The following NUP133 variants were observed in gnomAD, a reference collection of about 807,000 sequenced individuals.
The protein encoded by NUP133 is nucleoporin 133, also known as nuclear pore complex protein Nup133.
A neutral mutation model predicts 146.2 loss-of-function variants in NUP133; 66 were observed. The ratio of observed to expected loss-of-function variants is 0.45; its 90% CI spans 0.37 to 0.55. The LOEUF (loss-of-function observed/expected upper bound fraction) is 0.55, where lower values mean the gene tolerates loss of function less well. Ranked by LOEUF, NUP133 falls within the 20% of genes least tolerant of loss-of-function variation. The probability of loss-of-function intolerance (pLI) is 0.00; values close to 1 mark genes in which losing one functional copy is unlikely to be tolerated. For missense variants in NUP133, 1,277 were observed against 1,374.8 expected (o/e 0.93, Z 1.12); for synonymous variants, 521 against 498.8 (o/e 1.04, Z -0.59).
intron 15 of NUP133, among the ~76,000 whole-genome samples, chr1:229,469,952 G>A (rs111527833): frequency 0.046 from 7,072 of 152,316 alleles, 442 homozygotes; most frequent in African/African-American, 0.13. Context: ...CTTGAAGCCA[G>A]GAGGCAGAGG....
At chr1:229,447,194 T>G in intron 24 of NUP133, among the ~76,000 whole-genome samples, 1 of 152,140 alleles carries the variant, frequency 6.6e-6, no homozygotes, top group East Asian at 1.9e-4. Context: ...AAATCAAAAG[T>G]AGTGATTTAT....
chr1:229,464,028 C>T (rs1660755301), intron 18 of NUP133, among the ~76,000 whole-genome samples: 1 of 152,114 alleles, frequency 6.6e-6, no homozygotes. Flanking sequence ...GCCTGTAATC[C>T]CAGCTACCTG....
At position 229,508,142 on chromosome 1, in the gene NUP133, A is replaced by C; in HGVS notation, c.108T>G (p.Gly36=). ...AGCTGACTGCAGACCCCAGGGGCAG[A>C]CCCTTCCTGCTAGCCGTCCGGGGCG... ...GSTPRTASRK[G]LPLGSAVSSP... Residue 36 remains glycine, a synonymous_variant, in exon 1 of 26, where the codon GGT becomes GGG. Transcript: ENST00000261396. 6.3e-7 allele frequency: 1 copy of C among 1,596,466 alleles called. No homozygotes were observed. Among genetic ancestry groups the C allele is most frequent in the Non-Finnish European group, 8.5e-7 (1 of 1,173,044 alleles).
intron 5 of NUP133, 119 bp from the exon 6 acceptor site, chr1:229,498,425 T>C: frequency 3.2e-6 from 2 of 626,946 alleles, no homozygotes; most frequent in Non-Finnish European, 5.1e-6. Context: ...GAATACAAAA[T>C]AGAACGTTGT....
intron 12 of NUP133, among the ~76,000 whole-genome samples, 161 bp downstream of exon 12, chr1:229,483,893 G>A (rs1281460007): frequency 1.3e-5 from 2 of 151,954 alleles, no homozygotes; most frequent in African/African-American, 4.8e-5. Context: ...TGGCTACTAA[G>A]TTCAGAAGAA....
At chr1:229,445,739 T>A (rs1660287608) in intron 24 of NUP133, among the ~76,000 whole-genome samples, 1 of 152,228 alleles carries the variant, frequency 6.6e-6, no homozygotes, top group South Asian at 2.1e-4. Flanking sequence ...AGACAAGGAA[T>A]TCTAATCAAA....
intron 8 of NUP133, among the ~76,000 whole-genome samples, chr1:229,493,886 A>G (rs922101886): frequency 6.6e-6 from 1 of 152,198 alleles, no homozygotes; most frequent in Non-Finnish European, 1.5e-5. Flanking sequence ...CAATCCCACT[A>G]CTTTGGGAGG....
At chr1:229,448,514 G>C (rs1197959387) in intron 24 of NUP133, among the ~76,000 whole-genome samples, 1 of 152,168 alleles carries the variant, frequency 6.6e-6, no homozygotes, top group South Asian at 2.1e-4. Context: ...AAAAACTCAT[G>C]AATAATGCAC....
intron 13 of NUP133, among the ~76,000 whole-genome samples, chr1:229,477,167 T>C (rs1661097292): frequency 1.3e-5 from 2 of 152,012 alleles, no homozygotes; most frequent in South Asian, 4.1e-4. Flanking sequence ...TGGCCGGGCC[T>C]GGTGGCTCAC....
intron 25 of NUP133, among the ~76,000 whole-genome samples, chr1:229,443,921 A>G (rs1660244153): frequency 3.5e-5 from 5 of 144,104 alleles, no homozygotes; most frequent in East Asian, 3.9e-4. Context: ...TTTTTTTTAA[A>G]ATAGGGACAG....
intron 24 of NUP133, among the ~76,000 whole-genome samples, chr1:229,448,110 G>C (rs959515178): frequency 3.3e-5 from 5 of 152,192 alleles, no homozygotes; most frequent in Admixed American, 6.5e-5. Flanking sequence ...GGCAACCAAC[G>C]TTGGGAAGTT....
At chr1:229,474,054 C>T (rs557628736) in intron 14 of NUP133, among the ~76,000 whole-genome samples, 13 of 152,322 alleles carry the variant, frequency 8.5e-5, no homozygotes, top group African/African-American at 2.9e-4. Flanking sequence ...CCTTAAGAAG[C>T]CTACAGCTTC....
intron 20 of NUP133, among the ~76,000 whole-genome samples, chr1:229,460,378 T>C (rs917221730): frequency 9.9e-5 from 15 of 152,192 alleles, no homozygotes; most frequent in Middle Eastern, 3.4e-3. Context: ...TTGTTATTTA[T>C]GTTTCCTAGG....
At chr1:229,498,103 TAAGC>T (rs1649952787) in intron 6 of NUP133, 29 bp downstream of exon 6, 3 of 1,464,420 alleles carry the variant, frequency 2.0e-6, no homozygotes, top group Non-Finnish European at 1.9e-6. Context: ...AACTAAGAAA[TAAGC>T]TTGTAAAATA....
intron 15 of NUP133, among the ~76,000 whole-genome samples, chr1:229,469,853 A>G (rs1660913894): frequency 6.6e-6 from 1 of 152,194 alleles, no homozygotes; most frequent in African/African-American, 2.4e-5. Flanking sequence ...GGGTGAAACC[A>G]GGTCTCTACT....
chr1:229,450,641 ATC>A (rs1325768122), intron 22 of NUP133, 36 bp from the exon 23 acceptor site: 1 of 1,022,756 alleles, frequency 9.8e-7, no homozygotes, highest in Non-Finnish European at 1.5e-6. Flanking sequence ...AGATTATACA[ATC>A]ATGTAACTAA....
rs115452309 is a variant in NUP133 at position 229,475,783 on chromosome 1, C to T, written c.1757-51G>A. 606 of 1,388,448 alleles carry T rather than the reference C, an allele frequency of 4.4e-4. 3 individuals are homozygous for T. The African/African-American group carries it at 7.7e-3, about 18-fold the overall frequency. 86.0% of individuals were successfully genotyped at this position (1,388,448 alleles called of 1,614,324 possible). A position where few individuals can be genotyped will look rare whatever the true frequency, so the allele number is the denominator to read the frequency against. ...AGAACATAGTGGTTTTACAACTATA[C>T]TATTTTAATATCAGTGGCTAACTGC... is the stretch of plus-strand genomic sequence containing the variant. On this transcript the variant is annotated intron_variant, in intron 13 of 25. Transcript: ENST00000261396.
At chr1:229,498,820 G>A (rs956490747) in intron 5 of NUP133, among the ~76,000 whole-genome samples, 1 of 149,976 alleles carries the variant, frequency 6.7e-6, no homozygotes, top group Non-Finnish European at 1.5e-5. Context: ...TTTAAATTCT[G>A]ATTTTTAAAC....
intron 24 of NUP133, among the ~76,000 whole-genome samples, chr1:229,447,109 A>T (rs1660319108): frequency 3.3e-5 from 5 of 152,166 alleles, no homozygotes; most frequent in Admixed American, 3.3e-4. Context: ...GGGCAACAAG[A>T]GTGAAACTCC....
Sources: gnomAD v4.1 joint callset for allele counts (sites outside exome capture counted in the v4.1 genomes callset) on GRCh38, gnomAD v4.1.1 for gene constraint, MANE v1.5 for transcripts, NCBI Gene and HGNC (gene_info 2026-07-23, HGNC 2026-07-21) for gene names.